The following RERE variants were observed in gnomAD, a reference collection of about 807,000 sequenced individuals.
RERE encodes the protein arginine-glutamic acid dipeptide repeats.
RERE carries 40 observed loss-of-function variants against 146.1 expected under a neutral mutation model. That is an observed-to-expected ratio of 0.27 (90% confidence interval 0.21 to 0.36). RERE has a LOEUF of 0.36. Among genes scored for constraint, RERE ranks in the 10% least tolerant of loss-of-function variants. The probability of loss-of-function intolerance (pLI) is 1.00; values close to 1 mark genes in which losing one functional copy is unlikely to be tolerated. For synonymous variants in RERE, 1,003 were observed against 866.0 expected (o/e 1.16, Z -2.78); for missense variants, 1,933 against 2,138.7 (o/e 0.90, Z 1.90).
At chr1:8,578,861 T>C (rs1158550886) in intron 4 of RERE, among the ~76,000 whole-genome samples, 2 of 152,250 alleles carry the variant, frequency 1.3e-5, no homozygotes. Context: ...TAAAAGATCC[T>C]TTATATGAAA....
intron 13 of RERE, among the ~76,000 whole-genome samples, chr1:8,365,495 A>C (rs184871772): frequency 3.7e-4 from 57 of 152,364 alleles, no homozygotes; most frequent in Non-Finnish European, 6.2e-4. Context: ...TGTCAAATGG[A>C]AAACCTTCCC....
chr1:8,557,798 TTAAC>T (rs546292164), intron 4 of RERE, among the ~76,000 whole-genome samples: 17 of 152,214 alleles, frequency 1.1e-4, no homozygotes, highest in African/African-American at 3.4e-4. Context: ...TCTCCCCAGT[TTAAC>T]TAATCCATTC....
chr1:8,749,149 G>A (rs186445302), intron 1 of RERE, among the ~76,000 whole-genome samples: 4 of 152,230 alleles, frequency 2.6e-5, no homozygotes. Flanking sequence ...GAGGAGTTAA[G>A]TAACATGTCC....
Position 8,556,319 on chromosome 1 carries a change from T to A in RERE, c.725+156A>T, listed in dbSNP as rs143577422. 2.1e-4 allele frequency among the ~76,000 whole-genome samples: 31 copies of A among 150,694 alleles called. No homozygotes were observed. In the East Asian group the frequency reaches 5.2e-3, roughly 25 times the overall value. ...GTGAAGACACGGAGAACCTCTGCAA[T>A]CTCAACAATCCAGAGCGGACACTGG... On this transcript the variant is annotated intron_variant, in intron 6 of 22. Coordinates refer to ENST00000400908, the MANE Select transcript of RERE (RefSeq NM_001042681.2).
intron 1 of RERE, among the ~76,000 whole-genome samples, chr1:8,746,925 C>A (rs959139373): frequency 6.7e-6 from 1 of 149,314 alleles, no homozygotes; most frequent in African/African-American, 2.5e-5. Flanking sequence ...AGAGACAGAG[C>A]CAGACAGACA....
intron 4 of RERE, among the ~76,000 whole-genome samples, chr1:8,585,192 A>AC (rs1414223757): frequency 6.6e-6 from 1 of 151,744 alleles, no homozygotes; most frequent in Non-Finnish European, 1.5e-5. Context: ...TAATTCTGTC[A>AC]CCCCTTGTGT....
chr1:8,405,838 T>C (rs941929647), intron 12 of RERE, among the ~76,000 whole-genome samples: 3 of 152,258 alleles, frequency 2.0e-5, no homozygotes, highest in Middle Eastern at 3.4e-3. Context: ...AGTTTCACCA[T>C]GTTGGCCAGG....
chr1:8,776,290 T>C (rs1402293242), intron 1 of RERE, among the ~76,000 whole-genome samples: 2 of 152,190 alleles, frequency 1.3e-5, no homozygotes, highest in Non-Finnish European at 2.9e-5. Flanking sequence ...GGTTACTTTC[T>C]TCACTGTCTC....
chr1:8,717,354 C>T (rs923529590), intron 1 of RERE, among the ~76,000 whole-genome samples: 1 of 152,178 alleles, frequency 6.6e-6, no homozygotes, highest in Non-Finnish European at 1.5e-5. Context: ...GCCTTGTCAT[C>T]GATTGAGAAT....
At chr1:8,539,666 G>C (rs1645774223) in intron 7 of RERE, among the ~76,000 whole-genome samples, 1 of 152,122 alleles carries the variant, frequency 6.6e-6, no homozygotes, top group African/African-American at 2.4e-5. Context: ...GGCCTCCAAA[G>C]TGCTGGGATT....
At chr1:8,552,786 C>T (rs745712797) in intron 6 of RERE, among the ~76,000 whole-genome samples, 11 of 152,224 alleles carry the variant, frequency 7.2e-5, no homozygotes, top group Non-Finnish European at 7.3e-5. Context: ...CTGCCAAGAG[C>T]GAGGCCGGAT....
intron 1 of RERE, among the ~76,000 whole-genome samples, chr1:8,766,275 T>C (rs1305101513): frequency 4.6e-5 from 7 of 151,964 alleles, no homozygotes; most frequent in Non-Finnish European, 8.8e-5. Flanking sequence ...GTGCAGTGGC[T>C]CACGCCTATA....
At chr1:8,407,370 C>T (rs1055122585) in intron 12 of RERE, among the ~76,000 whole-genome samples, 7 of 152,262 alleles carry the variant, frequency 4.6e-5, no homozygotes, top group South Asian at 2.1e-4. Flanking sequence ...TGAGACAGTT[C>T]GCATCTCAAC....
chr1:8,528,931 T>C (rs1173254292), intron 7 of RERE, among the ~76,000 whole-genome samples: 1 of 152,236 alleles, frequency 6.6e-6, no homozygotes, highest in African/African-American at 2.4e-5. Flanking sequence ...GATTGTGATC[T>C]GTCACAGGAG....
At chr1:8,641,483 C>T (rs988651313) in intron 2 of RERE, among the ~76,000 whole-genome samples, 1 of 152,170 alleles carries the variant, frequency 6.6e-6, no homozygotes, top group Non-Finnish European at 1.5e-5. Flanking sequence ...TGCAGGAAAT[C>T]TCAGTCCAAT....
rs182762178 is a variant in RERE, at chr1:8,358,959, G to A, written c.3619-43C>T. 2.9e-3 allele frequency: 4,363 copies of A among 1,499,046 alleles called. 14 individuals are homozygous for A. The highest frequency in any genetic ancestry group is 8.1e-3 in the Middle Eastern group (34 of 4,176). 92.9% of individuals were successfully genotyped at this position (1,499,046 alleles called of 1,614,324 possible). On this transcript the variant is annotated intron_variant, in intron 19 of 22. Coordinates refer to ENST00000400908, the MANE Select transcript of RERE (RefSeq NM_001042681.2). ...AGCGTGAGGGGTCCCCCGAGCGCCT[G>A]GGGTCTCCGCTTGGTCCACACTGCG... is the stretch of plus-strand genomic sequence containing the variant.
rs34734074 is a variant in RERE at position 8,751,951 on chromosome 1, CAA to C, written c.-145+65207_-145+65208del. On this transcript the variant is annotated intron_variant, in intron 1 of 22. Transcript: ENST00000400908. ...TCCCCAAATAACTGTTTTAAGATTG[CAA>C]AAAAAAAAAAAAAAGATCAATTCAA... 6.9e-3 allele frequency among the ~76,000 whole-genome samples: 905 copies of C among 131,060 alleles called. 5 individuals carry two copies. Among genetic ancestry groups the C allele is most frequent in the African/African-American group, 0.014 (483 of 34,364 alleles). The allele number at this position is 131,060 out of a possible 152,430, so 86.0% of individuals were successfully genotyped here.
intron 4 of RERE, among the ~76,000 whole-genome samples, chr1:8,571,283 T>C (rs556218982): frequency 2.0e-4 from 30 of 152,234 alleles, no homozygotes; most frequent in Admixed American, 3.3e-4. Flanking sequence ...ATGACTAATA[T>C]ACCTAATTTA....
At chr1:8,689,493 T>A (rs1388404385) in intron 1 of RERE, among the ~76,000 whole-genome samples, 3 of 152,182 alleles carry the variant, frequency 2.0e-5, no homozygotes, top group Non-Finnish European at 4.4e-5. Context: ...ATTCAGGTAA[T>A]ATCACATTTC....
Sources: gnomAD v4.1 joint callset for allele counts (sites outside exome capture counted in the v4.1 genomes callset) on GRCh38, gnomAD v4.1.1 for gene constraint, MANE v1.5 for transcripts, NCBI Gene and HGNC (gene_info 2026-07-23, HGNC 2026-07-21) for gene names.